ADARB2: variants seen among roughly 807,000 people sequenced by gnomAD.
The protein encoded by ADARB2 is inactive double-stranded RNA-specific editase B2.
ADARB2 carries 25 observed loss-of-function variants against 62.2 expected under a neutral mutation model. The observed-to-expected ratio is 0.40, with a 90% confidence interval of 0.29 to 0.56. ADARB2 has a LOEUF of 0.56. Among genes scored for constraint, ADARB2 ranks in the 20% least tolerant of loss-of-function variants. The probability of loss-of-function intolerance (pLI) is 0.43; values close to 1 mark genes in which losing one functional copy is unlikely to be tolerated. For missense variants in ADARB2, 1,071 were observed against 1,077.4 expected (o/e 0.99, Z 0.08); for synonymous variants, 572 against 500.8 (o/e 1.14, Z -1.90).
chr10:1,450,369 C>T (rs1319425464), intron 1 of ADARB2, among the ~76,000 whole-genome samples: 2 of 152,208 alleles, frequency 1.3e-5, no homozygotes, highest in African/African-American at 2.4e-5. Context: ...TTTCTTTAGC[C>T]GCTGTGGCTG....
intron 1 of ADARB2, among the ~76,000 whole-genome samples, chr10:1,456,987 G>A (rs1831103421): frequency 7.4e-6 from 1 of 134,510 alleles, no homozygotes; most frequent in Non-Finnish European, 1.7e-5. Context: ...GTAGAGACGG[G>A]GGTTTCACCA....
At position 1,178,937 on chromosome 10, in the gene ADARB2, T is replaced by C. The variant is rs1455964532; in HGVS notation, c.*4256A>G. The C allele has an allele frequency of 6.6e-6, 1 of 152,230 alleles. No homozygotes were observed. The highest frequency in any genetic ancestry group is 2.4e-5 in the African/African-American group (1 of 41,448). The allele number at this position is 152,230 out of a possible 1,614,324, so 9.4% of individuals were successfully genotyped here. On this transcript the variant is annotated 3_prime_UTR_variant, in exon 10 of 10. Coordinates refer to ENST00000381312, the MANE Select transcript of ADARB2 (RefSeq NM_018702.4). Reference sequence around the variant, plus strand: ...AGCCTCTCAGCTTCCCTTTGGTCTCTGTTAGAAAGTGATACTTATTGTATT... The same window carrying C: ...AGCCTCTCAGCTTCCCTTTGGTCTCCGTTAGAAAGTGATACTTATTGTATT...
chr10:1,625,836 C>T (rs1833758572), intron 1 of ADARB2, among the ~76,000 whole-genome samples: 1 of 102,550 alleles, frequency 9.8e-6, no homozygotes, highest in African/African-American at 4.2e-5. Flanking sequence ...TCACCCAGCA[C>T]AGCCATGCCT....
chr10:1,446,449 C>T (rs574711572), intron 1 of ADARB2, among the ~76,000 whole-genome samples: 2 of 152,326 alleles, frequency 1.3e-5, no homozygotes, highest in East Asian at 3.9e-4. Flanking sequence ...ACAGTTGTTA[C>T]TATTTTTCCC....
intron 1 of ADARB2, among the ~76,000 whole-genome samples, chr10:1,545,018 T>C (rs1832499250): frequency 7.6e-6 from 1 of 132,272 alleles, no homozygotes; most frequent in Non-Finnish European, 1.6e-5. Context: ...GGATGGTCCC[T>C]GGGAAGTCTG....
At chr10:1,205,316 T>C (rs1486112418) in intron 7 of ADARB2, among the ~76,000 whole-genome samples, 1 of 150,916 alleles carries the variant, frequency 6.6e-6, no homozygotes, top group Non-Finnish European at 1.5e-5. Context: ...GGTTCTGAGG[T>C]GCTTTGCTTC....
chr10:1,277,071 A>G (rs1395203352), intron 3 of ADARB2, among the ~76,000 whole-genome samples: 2 of 152,236 alleles, frequency 1.3e-5, no homozygotes, highest in African/African-American at 4.8e-5. Context: ...GAACAAAGAC[A>G]CAACATACCA....
chr10:1,582,503 T>G (rs916508268), intron 1 of ADARB2, among the ~76,000 whole-genome samples: 1 of 152,198 alleles, frequency 6.6e-6, no homozygotes, highest in Non-Finnish European at 1.5e-5. Context: ...CCATGCATTT[T>G]TTTCTTGATA....
intron 1 of ADARB2, among the ~76,000 whole-genome samples, chr10:1,658,153 A>C (rs1834196291): frequency 7.8e-6 from 1 of 128,990 alleles, no homozygotes; most frequent in African/African-American, 3.1e-5. Flanking sequence ...TCTGTATCTT[A>C]TTCTCCCTGT....
chr10:1,691,187 G>C (rs1466097552), intron 1 of ADARB2, among the ~76,000 whole-genome samples: 1 of 152,162 alleles, frequency 6.6e-6, no homozygotes, highest in Non-Finnish European at 1.5e-5. Flanking sequence ...AAGAAGAGGA[G>C]ATTGGGGCAC....
At chr10:1,277,944 C>T (rs903829412) in intron 3 of ADARB2, among the ~76,000 whole-genome samples, 3 of 151,474 alleles carry the variant, frequency 2.0e-5, no homozygotes, top group Non-Finnish European at 4.4e-5. Flanking sequence ...TTCCTTCCTT[C>T]CTTCCTTCCC....
At chr10:1,642,789 TCACA>T (rs1472477437) in intron 1 of ADARB2, among the ~76,000 whole-genome samples, 17 of 151,636 alleles carry the variant, frequency 1.1e-4, no homozygotes, top group Admixed American at 3.3e-4. Flanking sequence ...ACACACCCAC[TCACA>T]CTCAGTATTC....
intron 1 of ADARB2, among the ~76,000 whole-genome samples, chr10:1,702,566 T>C (rs1025721193): frequency 3.9e-5 from 6 of 152,176 alleles, no homozygotes; most frequent in Non-Finnish European, 8.8e-5. Flanking sequence ...AAAATCCAGA[T>C]TGTCCAAGCG....
chr10:1,271,372 T>C (rs1831261145), intron 3 of ADARB2, among the ~76,000 whole-genome samples: 1 of 152,206 alleles, frequency 6.6e-6, no homozygotes, highest in South Asian at 2.1e-4. Flanking sequence ...TCCCTGCCTC[T>C]CAGAGCAGTG....
intron 1 of ADARB2, among the ~76,000 whole-genome samples, chr10:1,614,382 A>C (rs1004664944): frequency 6.6e-6 from 1 of 152,234 alleles, no homozygotes; most frequent in Non-Finnish European, 1.5e-5. Context: ...CCTGGGTTTT[A>C]ATTTGAATTT....
chr10:1,586,627 T>A (rs1484709590), intron 1 of ADARB2, among the ~76,000 whole-genome samples: 2 of 152,186 alleles, frequency 1.3e-5, no homozygotes, highest in African/African-American at 4.8e-5. Flanking sequence ...CTCAACACCT[T>A]TTTCTTTCAA....
chr10:1,607,569 G>A (rs1427267824), intron 1 of ADARB2, among the ~76,000 whole-genome samples: 1 of 152,002 alleles, frequency 6.6e-6, no homozygotes, highest in African/African-American at 2.4e-5. Context: ...CTATTCACCT[G>A]CAGACATGGA....
In ADARB2 at chr10:1,200,070, C is replaced by T; in HGVS notation, c.1760G>A (p.Gly587Asp). 1.3e-6 allele frequency: 2 copies of T among 1,583,660 alleles called. No homozygotes were observed. Among genetic ancestry groups the T allele is most frequent in the South Asian group, 1.2e-5 (1 of 86,880 alleles). Reference protein sequence around the residue: ...EPVYLQSIVVGSLHHTGHLAR... With the variant: ...EPVYLQSIVVDSLHHTGHLAR... Reference sequence around the variant, plus strand: ...GAGGTGGCCCGTGTGGTGCAGGCTGCCCACCACGATGCTCTGCAGGTACAC... The same window carrying T: ...GAGGTGGCCCGTGTGGTGCAGGCTGTCCACCACGATGCTCTGCAGGTACAC... The change falls in exon 8 of 10, where the codon GGC becomes GAC. Residue 587 changes from glycine (G) to aspartate (D), a missense_variant. Transcript: ENST00000381312.
intron 3 of ADARB2, among the ~76,000 whole-genome samples, chr10:1,329,954 T>C (rs1021798986): frequency 2.0e-4 from 23 of 113,976 alleles, no homozygotes; most frequent in South Asian, 1.9e-3. Context: ...TTTTTTTTTT[T>C]CTCTTAAACA....
Sources: gnomAD v4.1 joint callset for allele counts (sites outside exome capture counted in the v4.1 genomes callset) on GRCh38, gnomAD v4.1.1 for gene constraint, MANE v1.5 for transcripts, NCBI Gene and HGNC (gene_info 2026-07-23, HGNC 2026-07-21) for gene names.